MPI: variants seen among roughly 807,000 people sequenced by gnomAD.
MPI encodes mannose-6-phosphate isomerase.
A neutral mutation model predicts 40.1 loss-of-function variants in MPI; 33 were observed. The ratio of observed to expected loss-of-function variants is 0.82; its 90% CI spans 0.62 to 1.10. The LOEUF is 1.10. MPI is among the 50% of genes least tolerant of loss of function. MPI has a pLI of 0.00. For synonymous variants in MPI, 187 were observed against 207.4 expected (o/e 0.90, Z 0.85); for missense variants, 514 against 524.1 (o/e 0.98, Z 0.19).
At chr15:74,896,414 G>A (rs770485236) in intron 6 of MPI, 89 bp downstream of exon 6, 1 of 1,500,980 alleles carries the variant, frequency 6.7e-7, no homozygotes, top group Non-Finnish European at 9.1e-7. Flanking sequence ...GGGTGGTCAA[G>A]GAGACCCCCA....
In MPI at chr15:74,892,716, A is replaced by T; in HGVS notation, c.401A>T (p.His134Leu). The T allele has an allele frequency of 6.2e-7, 1 of 1,614,226 alleles. No homozygotes were observed. The highest frequency in any genetic ancestry group is 8.5e-7 in the Non-Finnish European group (1 of 1,180,044). Residue 134 changes from histidine (H) to leucine (L), a missense_variant, in exon 4 of 8, where the codon CAC becomes CTC. By Grantham distance (99) the His-to-Leu change is moderately conservative. Transcript: ENST00000352410. ...QAPQHYPDAN[H>L]KPEMAIALTP... ...CCGCAGCACTACCCCGATGCCAACC[A>T]CAAGCCAGAGATGGCCATTGCCCTC...
chr15:74,894,089 T>TG, intron 5 of MPI, among the ~76,000 whole-genome samples: 1 of 56,096 alleles, frequency 1.8e-5, no homozygotes, highest in Middle Eastern at 9.4e-3. Flanking sequence ...TGTGTGTGTG[T>TG]GTGTGTGTGT....
At chr15:74,890,722 T>C in intron 2 of MPI, 68 bp downstream of exon 2, 1 of 1,603,290 alleles carries the variant, frequency 6.2e-7, no homozygotes, top group Admixed American at 1.7e-5. Context: ...AGGCAAGTCA[T>C]AAGAATCAGC....
chr15:74,890,721 A>C (rs1432998822), intron 2 of MPI, 67 bp downstream of exon 2: 1 of 1,603,634 alleles, frequency 6.2e-7, no homozygotes, highest in Non-Finnish European at 8.5e-7. Context: ...GAGGCAAGTC[A>C]TAAGAATCAG....
intron 3 of MPI, 40 bp downstream of exon 3, chr15:74,891,619 G>A (rs1016954639): frequency 6.2e-7 from 1 of 1,603,140 alleles, no homozygotes; most frequent in Non-Finnish European, 8.5e-7. Flanking sequence ...GGGTACAGAA[G>A]GGCTTATGCT....
At chr15:74,895,731 T>A (rs2064808478) in intron 5 of MPI, 1 of 174,874 alleles carries the variant, frequency 5.7e-6, no homozygotes, top group East Asian at 1.5e-4. Context: ...ATTTTTTGAT[T>A]GTCAAAACCC....
In MPI at chr15:74,890,650, C is replaced by G. The variant is rs1179088321; in HGVS notation, c.140C>G (p.Ala47Gly). ...LAQIAEDKPY[A>G]ELWMGTHPRG... is the part of the protein sequence containing the mutation. ...CAGATCGCAGAGGACAAGCCTTATG[C>G]AGAGGTGAGCCCCGGGCTGTATTTC... Residue 47 changes from alanine (A) to glycine (G), a missense_variant, in exon 2 of 8, where the codon GCA becomes GGA. Coordinates refer to ENST00000352410, the MANE Select transcript of MPI (RefSeq NM_002435.3). 1 of 1,613,762 alleles carries G rather than the reference C, an allele frequency of 6.2e-7. No homozygotes were observed. The highest frequency in any genetic ancestry group is 2.2e-5 in the East Asian group (1 of 44,886).
intron 6 of MPI, 37 bp from the exon 7 acceptor site, chr15:74,896,974 A>AC: frequency 6.3e-7 from 1 of 1,598,672 alleles, no homozygotes. Flanking sequence ...GCTAAGGCAT[A>AC]CTTCATCAGC....
intron 2 of MPI, chr15:74,891,100 T>C: frequency 1.7e-6 from 1 of 597,058 alleles, no homozygotes; most frequent in African/African-American, 1.8e-5. Flanking sequence ...ACAGTGCAGA[T>C]GTCATTCTCC....
At chr15:74,892,963 C>T in intron 4 of MPI, 161 bp downstream of exon 4, 2 of 1,342,128 alleles carry the variant, frequency 1.5e-6, no homozygotes, top group South Asian at 2.4e-5. Context: ...TGAGACCAGG[C>T]TCAGGTGTGG....
At chr15:74,894,507 T>G (rs938344502) in intron 5 of MPI, among the ~76,000 whole-genome samples, 8 of 151,652 alleles carry the variant, frequency 5.3e-5, no homozygotes, top group African/African-American at 1.9e-4. Flanking sequence ...CTGGCCAACA[T>G]GGTGGAACCC....
chr15:74,892,848 A>G (rs778514432), intron 4 of MPI, 46 bp downstream of exon 4: 1 of 1,612,818 alleles, frequency 6.2e-7, no homozygotes, highest in Non-Finnish European at 8.5e-7. Flanking sequence ...GGCCAGGGAT[A>G]CCTGGGGAAC....
chr15:74,894,039 AGTGTGTGTGTGTGTGT>A (rs1163375284), intron 5 of MPI, among the ~76,000 whole-genome samples: 3,389 of 56,852 alleles, frequency 0.06, 153 homozygotes, highest in Non-Finnish European at 0.074. Context: ...TTTTCTGTTC[AGTGTGTGTGTGTGTGT>A]GTGTGTGTGT....
Position 74,891,385 on chromosome 15 carries a change from A to T in MPI, c.151A>T (p.Met51Leu), listed in dbSNP as rs759060141. ...AAGTTTCCTGTCTTTCCAGTTGTGG[A>T]TGGGGACTCACCCCCGAGGGGATGC... is the stretch of plus-strand genomic sequence containing the variant. ...AEDKPYAELWMGTHPRGDAKI... is the reference protein window; with the variant it reads ...AEDKPYAELWLGTHPRGDAKI... The change falls in exon 3 of 8, where the codon ATG becomes TTG. Residue 51 changes from methionine (M) to leucine (L), a missense_variant. Transcript: ENST00000352410. 1 of 1,614,018 alleles carries T rather than the reference A, an allele frequency of 6.2e-7. No individual in the cohort carries two copies. The highest frequency in any genetic ancestry group is 2.2e-5 in the East Asian group (1 of 44,872).
Position 74,897,944 on chromosome 15 carries a change from C to G in MPI, c.*214C>G. 1 of 626,150 alleles carries G rather than the reference C, an allele frequency of 1.6e-6. No homozygotes were observed. The highest frequency in any genetic ancestry group is 2.9e-6 in the Non-Finnish European group (1 of 343,106). 38.8% of individuals were successfully genotyped at this position (626,150 alleles called of 1,614,324 possible). ...GGGAGGAGAGGCCCGTGTGAGGGGTCTGATACTCCCTTTGTCTTCCCTCTC... is the reference window on the plus strand; with the variant it reads ...GGGAGGAGAGGCCCGTGTGAGGGGTGTGATACTCCCTTTGTCTTCCCTCTC... On this transcript the variant is annotated 3_prime_UTR_variant, in exon 8 of 8. Transcript: ENST00000352410.
In MPI at chr15:74,900,898, A is replaced by G. The variant is rs1418209993; in HGVS notation, c.*3168A>G. The G allele has an allele frequency of 6.6e-6, 1 of 152,224 alleles. No homozygotes were observed. The highest frequency in any genetic ancestry group is 1.5e-5 in the Non-Finnish European group (1 of 68,052). 9.4% of individuals were successfully genotyped at this position (152,224 alleles called of 1,614,324 possible). ...ACCTTCCATGGTTTGAGAAAAACACAAAGATAGATGTCCATCAGGCACTCA... is the reference window on the plus strand; with the variant it reads ...ACCTTCCATGGTTTGAGAAAAACACGAAGATAGATGTCCATCAGGCACTCA... On this transcript the variant is annotated 3_prime_UTR_variant, in exon 8 of 8. Coordinates refer to ENST00000352410, the MANE Select transcript of MPI (RefSeq NM_002435.3).
chr15:74,893,099 C>T, intron 4 of MPI, 39 bp from the exon 5 acceptor site: 1 of 1,612,014 alleles, frequency 6.2e-7, no homozygotes, highest in Non-Finnish European at 8.5e-7. Context: ...TTCCATCTTA[C>T]CATTCCTGAT....
At chr15:74,894,998 G>A (rs61424546) in intron 5 of MPI, among the ~76,000 whole-genome samples, 2 of 149,078 alleles carry the variant, frequency 1.3e-5, no homozygotes, top group Admixed American at 6.7e-5. Context: ...ACGGAGTCTC[G>A]CTGTGTCACC....
chr15:74,893,561 A>G (rs2064758514), intron 5 of MPI: 1 of 631,092 alleles, frequency 1.6e-6, no homozygotes, highest in Non-Finnish European at 2.9e-6. Flanking sequence ...GCAGACTGGC[A>G]TAGAGGACTC....
Sources: gnomAD v4.1 joint callset for allele counts (sites outside exome capture counted in the v4.1 genomes callset) on GRCh38, gnomAD v4.1.1 for gene constraint, MANE v1.5 for transcripts, NCBI Gene and HGNC (gene_info 2026-07-23, HGNC 2026-07-21) for gene names.